RBM19: variants seen among roughly 807,000 people sequenced by gnomAD.
The protein encoded by RBM19 is probable RNA-binding protein 19.
In RBM19, 94 loss-of-function variants were observed where a neutral mutation model predicts 116.8. The observed-to-expected ratio is 0.80, with a 90% CI of 0.68 to 0.95. The LOEUF is 0.95. Among genes scored for constraint, RBM19 ranks in the 40% least tolerant of loss-of-function variants. The pLI is 0.00. For synonymous variants in RBM19, 475 were observed against 494.1 expected, an observed-to-expected ratio of 0.96 and a Z score of 0.51; for missense variants, 1,161 against 1,220.7, an observed-to-expected ratio of 0.95 and a Z score of 0.73.
intron 22 of RBM19, among the ~76,000 whole-genome samples, chr12:113,852,516 A>G (rs1348576598): frequency 6.6e-6 from 1 of 152,234 alleles, no homozygotes; most frequent in African/African-American, 2.4e-5. Context: ...AGTGGGGACA[A>G]AACTCCAATT....
rs574793600 is a variant in RBM19 at position 113,941,665 on chromosome 12, C to T, written c.1737+659G>A. On this transcript the variant is annotated intron_variant, in intron 14 of 23. Coordinates refer to ENST00000261741, the MANE Select transcript of RBM19 (RefSeq NM_016196.4). ...CCATATTCATCCTCCATCCATCCAT[C>T]CATCCATCCATCCACCCATCCCCCA... is the stretch of plus-strand genomic sequence containing the variant. Among the ~76,000 whole-genome samples, 12 of 151,496 alleles carry T rather than the reference C, an allele frequency of 7.9e-5. No homozygotes were observed. The East Asian group carries it at 2.3e-3, about 29-fold the overall frequency.
intron 21 of RBM19, among the ~76,000 whole-genome samples, chr12:113,905,858 T>C (rs145353701): frequency 8.7e-4 from 132 of 151,864 alleles, no homozygotes; most frequent in African/African-American, 3.0e-3. Flanking sequence ...TAGGAGAAAA[T>C]ATTTGACTTC....
intron 16 of RBM19, among the ~76,000 whole-genome samples, chr12:113,931,061 G>T (rs1869557279): frequency 6.6e-6 from 1 of 152,188 alleles, no homozygotes; most frequent in Admixed American, 6.5e-5. Context: ...AACAGTGAGT[G>T]ACTGTAAACT....
intron 18 of RBM19, 72 bp downstream of exon 18, chr12:113,924,625 A>G: frequency 7.4e-7 from 1 of 1,353,558 alleles, no homozygotes; most frequent in Non-Finnish European, 1.1e-6. Context: ...CCTTGTCTGA[A>G]GCTGGAGCTT....
intron 21 of RBM19, among the ~76,000 whole-genome samples, chr12:113,906,257 C>T (rs1176864488): frequency 1.3e-5 from 2 of 152,158 alleles, no homozygotes; most frequent in Non-Finnish European, 2.9e-5. Context: ...AACATATTCA[C>T]ACAATGGAAT....
At chr12:113,957,125 A>C (rs909451045) in intron 6 of RBM19, among the ~76,000 whole-genome samples, 1 of 152,182 alleles carries the variant, frequency 6.6e-6, no homozygotes, top group Non-Finnish European at 1.5e-5. Flanking sequence ...TGTTCACTCT[A>C]TCTGTAGTCA....
chr12:113,923,237 T>C (rs1182825613), intron 18 of RBM19, among the ~76,000 whole-genome samples: 7 of 152,130 alleles, frequency 4.6e-5, no homozygotes, highest in African/African-American at 1.7e-4. Flanking sequence ...GATTTGAACA[T>C]GGGATGGGCA....
Position 113,945,918 on chromosome 12 carries a change from G to A in RBM19, c.1536C>T (p.His512=), listed in dbSNP as rs201150757. The A allele has an allele frequency of 6.4e-7, 1 of 1,573,376 alleles. No homozygotes were observed. The highest frequency in any genetic ancestry group is 1.7e-5 in the Admixed American group (1 of 59,928). The change falls in exon 13 of 24, where the codon CAC becomes CAT. Residue 512 remains histidine, a synonymous_variant. Transcript: ENST00000261741. ...GCCCCATGAATAGTGTGTTCCAGTT[G>A]TGAGAGCTAAGAGGCAGAGGCAGAA... ...AQDKANSASS[H]NWNTLFMGPN... is the part of the protein sequence containing the mutation.
At chr12:113,906,946 G>A (rs895307799) in intron 21 of RBM19, among the ~76,000 whole-genome samples, 2 of 152,034 alleles carry the variant, frequency 1.3e-5, no homozygotes, top group African/African-American at 4.8e-5. Flanking sequence ...CGCCAGAGAC[G>A]ACAGAGGCAG....
chr12:113,862,102 G>A (rs975957420), intron 21 of RBM19, among the ~76,000 whole-genome samples: 11 of 152,200 alleles, frequency 7.2e-5, no homozygotes, highest in Non-Finnish European at 1.2e-4. Flanking sequence ...GGAACTTCCC[G>A]ATGTCTGTGG....
At chr12:113,946,070 G>T in intron 12 of RBM19, 146 bp from the exon 13 acceptor site, 1 of 814,140 alleles carries the variant, frequency 1.2e-6, no homozygotes, top group South Asian at 1.8e-5. Context: ...CGTATACAGG[G>T]CCTGAAGACA....
At chr12:113,927,455 G>T in intron 16 of RBM19, 1 of 524,202 alleles carries the variant, frequency 1.9e-6, no homozygotes, top group Non-Finnish European at 3.3e-6. Flanking sequence ...TAAAGAGAAA[G>T]GAATACAAAA....
At chr12:113,896,146 C>T (rs1471650176) in intron 21 of RBM19, among the ~76,000 whole-genome samples, 2 of 152,128 alleles carry the variant, frequency 1.3e-5, no homozygotes, top group Non-Finnish European at 2.9e-5. Flanking sequence ...CAACTGTCAG[C>T]TAAAGGGCAC....
intron 15 of RBM19, among the ~76,000 whole-genome samples, chr12:113,937,481 T>C (rs1434993138): frequency 6.6e-6 from 1 of 152,174 alleles, no homozygotes; most frequent in Admixed American, 6.5e-5. Context: ...ACCACATCAC[T>C]GGTAAAGTGC....
chr12:113,964,025 T>C (rs926728109), intron 1 of RBM19, among the ~76,000 whole-genome samples: 2 of 152,234 alleles, frequency 1.3e-5, no homozygotes, highest in African/African-American at 2.4e-5. Context: ...TCGGTTCACA[T>C]GTCAGTGATG....
chr12:113,878,844 G>A (rs1446067186), intron 21 of RBM19, among the ~76,000 whole-genome samples: 15 of 135,166 alleles, frequency 1.1e-4, no homozygotes, highest in Non-Finnish European at 2.1e-4. Context: ...AAAAAAAAAA[G>A]GGGGGGGTGG....
chr12:113,825,192 G>A lies in RBM19; in HGVS notation c.2786-1871C>T, dbSNP rs565003278. ...AAAGGGGAATGAGCGGACGGAGCAA[G>A]GGTGAGAGAGAGACGGCAGAGCCTG... is the stretch of plus-strand genomic sequence containing the variant. On this transcript the variant is annotated intron_variant, in intron 23 of 23. Coordinates refer to ENST00000261741, the MANE Select transcript of RBM19 (RefSeq NM_016196.4). The surrounding 1 kb of genome is among the most constrained non-coding windows in gnomAD (Gnocchi z 5.7). Among the ~76,000 whole-genome samples, 31 of 152,378 alleles carry A rather than the reference G, an allele frequency of 2.0e-4. No homozygotes were observed. Among genetic ancestry groups the A allele is most frequent in the Admixed American group, 8.5e-4 (13 of 15,312 alleles).
chr12:113,920,755 C>A, intron 18 of RBM19, 65 bp from the exon 19 acceptor site: 5 of 1,425,470 alleles, frequency 3.5e-6, no homozygotes, highest in Non-Finnish European at 5.0e-6. Flanking sequence ...AGTGCAAGGG[C>A]TGTGACGGGC....
chr12:113,852,094 G>A (rs1349951118), intron 22 of RBM19, among the ~76,000 whole-genome samples: 4 of 152,024 alleles, frequency 2.6e-5, no homozygotes, highest in Non-Finnish European at 4.4e-5. Context: ...GAGGAAGGCT[G>A]TCAAACTTGG....
Sources: gnomAD v4.1 joint callset for allele counts (sites outside exome capture counted in the v4.1 genomes callset) on GRCh38, gnomAD v4.1.1 for gene constraint, Gnocchi (gnomAD v3.1) non-coding constraint, MANE v1.5 for transcripts, NCBI Gene and HGNC (gene_info 2026-07-23, HGNC 2026-07-21) for gene names.